The following TTC7A variants were observed in gnomAD, a reference collection of about 807,000 sequenced individuals.
TTC7A encodes the protein tetratricopeptide repeat protein 7A.
A neutral mutation model predicts 103.7 loss-of-function variants in TTC7A; 110 were observed. The observed-to-expected ratio is 1.06, with a 90% CI of 0.91 to 1.24. The LOEUF is 1.24. TTC7A is among the 50% of genes most tolerant of loss of function. The pLI is 0.00. For missense variants in TTC7A, 1,340 were observed against 1,116.3 expected, an observed-to-expected ratio of 1.20 and a Z score of -2.86; for synonymous variants, 521 against 467.9, an observed-to-expected ratio of 1.11 and a Z score of -1.47.
rs186078544 is a variant in TTC7A at position 46,992,740 on chromosome 2, G to C, written c.765-710G>C. Among the ~76,000 whole-genome samples the C allele has an allele frequency of 2.6e-5, 4 of 152,366 alleles. No individual in the cohort carries two copies. In the East Asian group the frequency reaches 7.7e-4, roughly 29 times the overall value. Reference sequence around the variant, plus strand: ...TTAGTGGGAATGCAAGATCTATTTAGTGGGCTGCAGCCAGCATGTTACAAA... The same window carrying C: ...TTAGTGGGAATGCAAGATCTATTTACTGGGCTGCAGCCAGCATGTTACAAA... On this transcript the variant is annotated intron_variant, in intron 5 of 19. Transcript: ENST00000319190.
chr2:47,030,312 G>C lies in TTC7A; in HGVS notation c.1802+928G>C, dbSNP rs555932130. The stretch of plus-strand genomic sequence containing the variant: ...GGAAAAAATTGCTGGGTGATGAAGG[G>C]AAGCTTCAGTGGTGCCAGCCTAGGG... On this transcript the variant is annotated intron_variant, in intron 15 of 19. Transcript: ENST00000319190. 5.9e-5 allele frequency among the ~76,000 whole-genome samples: 9 copies of C among 152,324 alleles called. No homozygotes were observed. In the South Asian group the frequency reaches 1.9e-3, roughly 32 times the overall value.
intron 16 of TTC7A, among the ~76,000 whole-genome samples, chr2:47,048,889 C>T (rs1160369389): frequency 2.6e-5 from 4 of 152,208 alleles, no homozygotes; most frequent in African/African-American, 9.7e-5. Flanking sequence ...GGGCATGAGC[C>T]TCCATGCCTG....
intron 4 of TTC7A, among the ~76,000 whole-genome samples, chr2:46,976,945 G>T (rs2104250422): frequency 6.6e-6 from 1 of 152,324 alleles, no homozygotes; most frequent in South Asian, 2.1e-4. Context: ...CCACTTAAAG[G>T]CTCAGCATGG....
chr2:47,000,017 TA>T lies in TTC7A; in HGVS notation c.1065+4819del, dbSNP rs1340187809. ...ATCTGTGTGGCCTGGTTGAGCTTCT[TA>T]CCACCCTGAGCCTCGGTTTTCTCAT... On this transcript the variant is annotated intron_variant, in intron 8 of 19. Coordinates refer to ENST00000319190, the MANE Select transcript of TTC7A (RefSeq NM_020458.4). 6 of 557,120 alleles carry T rather than the reference TA, an allele frequency of 1.1e-5. No homozygotes were observed. The Admixed American group carries it at 1.9e-4, about 18-fold the overall frequency. 34.5% of individuals were successfully genotyped at this position (557,120 alleles called of 1,614,324 possible). A position where few individuals can be genotyped will look rare whatever the true frequency, so the allele number is the denominator to read the frequency against.
chr2:47,049,896 C>G, intron 16 of TTC7A, 53 bp from the exon 17 acceptor site: 1 of 1,401,610 alleles, frequency 7.1e-7, no homozygotes, highest in Non-Finnish European at 1.0e-6. Context: ...TCACTGGGCC[C>G]TGTGATGCTA....
At chr2:47,029,454 C>T (rs1680285508) in intron 15 of TTC7A, 70 bp downstream of exon 15, 2 of 1,548,812 alleles carry the variant, frequency 1.3e-6, no homozygotes, top group African/African-American at 1.4e-5. Context: ...CCATGCACAC[C>T]TGCCCTGCCA....
At chr2:46,939,604 G>C (rs1670161567), upstream of TTC7A, among the ~76,000 whole-genome samples, 3 of 152,206 alleles carry the variant, frequency 2.0e-5, no homozygotes, top group South Asian at 6.2e-4. Flanking sequence ...AAAGGACTAG[G>C]AAAAAAGAGG....
chr2:47,053,535 TTTGTTTGTTTGG>T (rs1233211265), intron 18 of TTC7A, among the ~76,000 whole-genome samples: 1 of 102,030 alleles, frequency 9.8e-6, no homozygotes, highest in African/African-American at 3.9e-5. Context: ...GGTTTTTTTG[TTTGTTTGTTTGG>T]TTGGTTGGTT....
chr2:46,968,781 C>G (rs1673086845), intron 3 of TTC7A, among the ~76,000 whole-genome samples: 1 of 152,188 alleles, frequency 6.6e-6, no homozygotes. Context: ...ATGTACAAAT[C>G]TTAACTGTAT....
intron 4 of TTC7A, among the ~76,000 whole-genome samples, chr2:46,976,612 C>T (rs576451795): frequency 6.6e-6 from 1 of 152,306 alleles, no homozygotes; most frequent in Non-Finnish European, 1.5e-5. Flanking sequence ...TCCCCTAGAG[C>T]AGGATTCTCA....
At chr2:46,940,819 C>T (rs904345519), upstream of TTC7A, among the ~76,000 whole-genome samples, 58 of 152,136 alleles carry the variant, frequency 3.8e-4, no homozygotes, top group African/African-American at 1.3e-3. This position sits in a 1 kb window ranked among gnomAD's most constrained non-coding sequence, Gnocchi z 4.7. Context: ...GGCCAGCTCC[C>T]GGGAGGCTCG....
At chr2:47,046,469 T>A (rs1558623704) in intron 16 of TTC7A, 38 bp downstream of exon 16, 1 of 1,558,584 alleles carries the variant, frequency 6.4e-7, no homozygotes, top group Non-Finnish European at 8.8e-7. Context: ...TGCCAGAGGG[T>A]GGTTGCCAGG....
chr2:46,988,604 ATTTT>A (rs1249497413), intron 5 of TTC7A, among the ~76,000 whole-genome samples: 1 of 152,166 alleles, frequency 6.6e-6, no homozygotes, highest in African/African-American at 2.4e-5. Context: ...TTCCCCAAAT[ATTTT>A]TTTAACACTT....
chr2:47,015,617 T>C (rs539780382), intron 11 of TTC7A, among the ~76,000 whole-genome samples: 10 of 152,332 alleles, frequency 6.6e-5, no homozygotes, highest in African/African-American at 2.2e-4. Context: ...CATTATGGGG[T>C]AGCTGTGAAT....
At chr2:47,032,576 T>C (rs1680669647) in intron 15 of TTC7A, among the ~76,000 whole-genome samples, 1 of 152,120 alleles carries the variant, frequency 6.6e-6, no homozygotes, top group African/African-American at 2.4e-5. Flanking sequence ...TTCTGCAACC[T>C]GTCACTCACC....
intron 2 of TTC7A, among the ~76,000 whole-genome samples, chr2:46,923,146 C>T (rs1234600181): frequency 2.6e-5 from 4 of 152,214 alleles, no homozygotes; most frequent in Non-Finnish European, 5.9e-5. Context: ...TCCTGTCAGC[C>T]TCCATGTGTT....
chr2:47,073,490 C>T (rs994712657), intron 19 of TTC7A, among the ~76,000 whole-genome samples: 4 of 152,136 alleles, frequency 2.6e-5, no homozygotes, highest in Non-Finnish European at 5.9e-5. Flanking sequence ...AGTGGGTTTC[C>T]CAGGAGGCTG....
intron 1 of TTC7A, among the ~76,000 whole-genome samples, chr2:46,946,292 A>G (rs1421871147): frequency 6.6e-6 from 1 of 152,218 alleles, no homozygotes; most frequent in Non-Finnish European, 1.5e-5. Context: ...CTGGGTAGAG[A>G]GAAGCTGCAG....
At chr2:46,946,361 C>G (rs963748032) in intron 1 of TTC7A, among the ~76,000 whole-genome samples, 19 of 152,206 alleles carry the variant, frequency 1.2e-4, no homozygotes, top group African/African-American at 4.6e-4. Flanking sequence ...TAAAAAGCAA[C>G]TTGTTTTCCC....
Sources: allele counts gnomAD v4.1 joint callset (sites outside exome capture counted in the v4.1 genomes callset), GRCh38; gene constraint gnomAD v4.1.1; non-coding constraint Gnocchi (gnomAD v3.1); transcripts MANE v1.5; gene names NCBI Gene and HGNC (gene_info 2026-07-23, HGNC 2026-07-21).